Variants in OR9G4 observed in about 807,000 individuals in gnomAD.
The protein encoded by OR9G4 is olfactory receptor family 9 subfamily G member 4, also known as olfactory receptor 9G4.
Under a neutral mutation model 16.7 loss-of-function variants are expected in OR9G4, and 19 were observed. That is an observed-to-expected ratio of 1.14 (90% confidence interval 0.79 to 1.67). OR9G4 has a LOEUF of 1.67. OR9G4 is among the 40% of genes most tolerant of loss of function. The pLI is 0.00. For missense variants in OR9G4, 428 were observed against 370.4 expected, an observed-to-expected ratio of 1.16 and a Z score of -1.28; for synonymous variants, 182 against 146.2, an observed-to-expected ratio of 1.24 and a Z score of -1.76.
In OR9G4 at chr11:56,743,617, T is replaced by C; in HGVS notation, c.150A>G (p.Arg50=). 6.2e-7 allele frequency: 1 copy of C among 1,613,980 alleles called. No homozygotes were observed. Among genetic ancestry groups the C allele is most frequent in the Non-Finnish European group, 8.5e-7 (1 of 1,179,934 alleles). ...SGNMTLVILI[R]TDSHLHTPMY... is the part of the protein sequence containing the mutation. Reference sequence around the variant, plus strand: ...TAGGTGTATGCAAGTGGGAATCAGTTCGGATTAAGATAACCAAGGTCATGT... The same window carrying C: ...TAGGTGTATGCAAGTGGGAATCAGTCCGGATTAAGATAACCAAGGTCATGT... Residue 50 remains arginine, a synonymous_variant, in exon 2 of 2, where the codon CGA becomes CGG. Transcript: ENST00000641668.
chr11:56,743,652 A>C lies in OR9G4; in HGVS notation c.115T>G (p.Leu39Val). The C allele has an allele frequency of 6.2e-7, 1 of 1,614,128 alleles. No individual in the cohort carries two copies. Among genetic ancestry groups the C allele is most frequent in the South Asian group, 1.1e-5 (1 of 91,086 alleles). Reference protein sequence around the residue: ...GVFLMLYLITLSGNMTLVILI... With the variant: ...GVFLMLYLITVSGNMTLVILI... ...ATAACCAAGGTCATGTTTCCTGACA[A>C]GGTTATCAAATAGAGCATCAGAAAC... The change falls in exon 2 of 2, where the codon TTG becomes GTG. Residue 39 changes from leucine to valine, a missense_variant. Leu to Val is a conservative substitution (Grantham distance 32, BLOSUM62 1). Transcript: ENST00000641668.
rs1204316061 is a variant in OR9G4 at position 56,741,567 on chromosome 11, AT to A, written c.*1260del. Reference sequence around the variant, plus strand: ...ATAGAGGAATAAGAATGTTAAGATTATTTTGATGGAAAGAGGTAGGATGTGT... The same window carrying A: ...ATAGAGGAATAAGAATGTTAAGATTATTTGATGGAAAGAGGTAGGATGTGT... On this transcript the variant is annotated 3_prime_UTR_variant, in exon 2 of 2. Transcript: ENST00000641668. 1 of 152,284 alleles carries A rather than the reference AT, an allele frequency of 6.6e-6. No homozygotes were observed. The highest frequency in any genetic ancestry group is 1.5e-5 in the Non-Finnish European group (1 of 68,090). 9.4% of individuals were successfully genotyped at this position (152,284 alleles called of 1,614,324 possible).
In OR9G4 at chr11:56,743,429, T is replaced by C. The variant is rs539010081; in HGVS notation, c.338A>G (p.Tyr113Cys). 4.9e-5 allele frequency: 79 copies of C among 1,614,022 alleles called. 1 individual carries two copies. The South Asian group carries it at 7.6e-4, about 15-fold the overall frequency. The stretch of plus-strand genomic sequence containing the variant: ...GTCATATGCCATGGCTGCCAGGAGA[T>C]AGCATTCAGTGTAGGCTACAACACA... The part of the protein sequence containing the change: ...FSCVVAYTEC[Y>C]LLAAMAYDRH... Residue 113 changes from tyrosine (Y) to cysteine (C), a missense_variant, in exon 2 of 2, where the codon TAT becomes TGT. Coordinates refer to ENST00000641668, the MANE Select transcript of OR9G4 (RefSeq NM_001005284.2).
chr11:56,743,551 C>T lies in OR9G4; in HGVS notation c.216G>A (p.Trp72Ter). 1 of 1,613,982 alleles carries T rather than the reference C, an allele frequency of 6.2e-7. No individual in the cohort carries two copies. Among genetic ancestry groups the T allele is most frequent in the Non-Finnish European group, 8.5e-7 (1 of 1,180,004 alleles). The change falls in exon 2 of 2, where the codon TGG becomes TGA. Residue 72 changes from tryptophan (W) to a stop codon, truncating the protein, a stop_gained. Coordinates refer to ENST00000641668, the MANE Select transcript of OR9G4 (RefSeq NM_001005284.2). LOFTEE classifies it high-confidence loss of function. The stretch of plus-strand genomic sequence containing the variant: ...TTTTGGGGGTATACACAGAGGTATA[C>T]CAGAAATCCAAAAAAGACAGATTGC... ...FIGNLSFLDF[W>*]YTSVYTPKIL... is the part of the protein sequence containing the mutation.
In OR9G4 at chr11:56,743,643, T is replaced by C. The variant is rs1182537757; in HGVS notation, c.124A>G (p.Asn42Asp). 8 of 1,614,070 alleles carry C rather than the reference T, an allele frequency of 5.0e-6. No homozygotes were observed. Among genetic ancestry groups the C allele is most frequent in the Non-Finnish European group, 6.8e-6 (8 of 1,179,924 alleles). ...CGGATTAAGATAACCAAGGTCATGTTTCCTGACAAGGTTATCAAATAGAGC... is the reference window on the plus strand; with the variant it reads ...CGGATTAAGATAACCAAGGTCATGTCTCCTGACAAGGTTATCAAATAGAGC... ...LMLYLITLSG[N>D]MTLVILIRTD... Residue 42 changes from asparagine to aspartate, a missense_variant, in exon 2 of 2, where the codon AAC (asparagine) becomes GAC (aspartate). Transcript: ENST00000641668.
At chr11:56,747,183 TTTA>T (rs71058030) in intron 1 of OR9G4, among the ~76,000 whole-genome samples, 61,195 of 142,552 alleles carry the variant, frequency 0.43, 12,989 homozygotes, top group East Asian at 0.59. Flanking sequence ...GCATCAAAGA[TTTA>T]TTATTATTAT....
In OR9G4 at chr11:56,741,522, C is replaced by G. The variant is rs1233147332; in HGVS notation, c.*1306G>C. Reference sequence around the variant, plus strand: ...CACCCCAAATCCTTCTAGTCAAGTACTCAAACAGCTTCCTTTGTGATAGAG... The same window carrying G: ...CACCCCAAATCCTTCTAGTCAAGTAGTCAAACAGCTTCCTTTGTGATAGAG... On this transcript the variant is annotated 3_prime_UTR_variant, in exon 2 of 2. Transcript: ENST00000641668. 1 of 152,376 alleles carries G rather than the reference C, an allele frequency of 6.6e-6. No homozygotes were observed. Among genetic ancestry groups the G allele is most frequent in the Non-Finnish European group, 1.5e-5 (1 of 68,306 alleles). The allele number at this position is 152,376 out of a possible 1,614,324, so 9.4% of individuals were successfully genotyped here. A position where few individuals can be genotyped will look rare whatever the true frequency, so the allele number is the denominator to read the frequency against.
chr11:56,746,454 C>T (rs1378537003), intron 1 of OR9G4, among the ~76,000 whole-genome samples: 2 of 152,074 alleles, frequency 1.3e-5, no homozygotes, highest in Non-Finnish European at 2.9e-5. Context: ...TGATAATTCT[C>T]AAATATGAAT....
At position 56,743,653 on chromosome 11, in the gene OR9G4, G is replaced by A. The variant is rs1246672034; in HGVS notation, c.114C>T (p.Thr38=). Residue 38 remains threonine (T), a synonymous_variant, in exon 2 of 2, where the codon ACC becomes ACT. Transcript: ENST00000641668. Reference sequence around the variant, plus strand: ...TAACCAAGGTCATGTTTCCTGACAAGGTTATCAAATAGAGCATCAGAAACA... The same window carrying A: ...TAACCAAGGTCATGTTTCCTGACAAAGTTATCAAATAGAGCATCAGAAACA... ...FGVFLMLYLI[T]LSGNMTLVIL... The A allele has an allele frequency of 1.2e-6, 2 of 1,614,090 alleles. No homozygotes were observed. Among genetic ancestry groups the A allele is most frequent in the East Asian group, 2.2e-5 (1 of 44,872 alleles).
At position 56,743,260 on chromosome 11, in the gene OR9G4, A is replaced by G. The variant is rs754217646; in HGVS notation, c.507T>C (p.Cys169=). Residue 169 remains cysteine (C), a synonymous_variant, in exon 2 of 2, where the codon TGT becomes TGC. Coordinates refer to ENST00000641668, the MANE Select transcript of OR9G4 (RefSeq NM_001005284.2). The stretch of plus-strand genomic sequence containing the variant: ...AAAAGTGGTCAATGATATTTTTACC[A>G]CAAAAATGCAGGCGGAATGTATTGG... ...HTANTFRLHF[C]GKNIIDHFFC... is the part of the protein sequence containing the mutation. The G allele has an allele frequency of 8.1e-6, 13 of 1,614,044 alleles. No individual in the cohort carries two copies. In the East Asian group the frequency reaches 2.7e-4, roughly 33 times the overall value.
rs573074299 is a variant in OR9G4, at chr11:56,748,686, C to T, written c.-53G>A. 1 of 152,366 alleles carries T rather than the reference C, an allele frequency of 6.6e-6. No individual in the cohort carries two copies. Among genetic ancestry groups the T allele is most frequent in the South Asian group, 2.1e-4 (1 of 4,824 alleles). The allele number at this position is 152,366 out of a possible 1,614,324, so 9.4% of individuals were successfully genotyped here. ...GTTTGGAAGGCCAGCTCTTGGAAGT[C>T]ACACTTTTCCCTCTCTTCTGGTGTT... On this transcript the variant is annotated 5_prime_UTR_variant, in exon 1 of 2. Coordinates refer to ENST00000641668, the MANE Select transcript of OR9G4 (RefSeq NM_001005284.2).
chr11:56,743,037 G>T lies in OR9G4; in HGVS notation c.730C>A (p.His244Asn). 1.2e-6 allele frequency: 2 copies of T among 1,614,006 alleles called. No individual in the cohort carries two copies. The highest frequency in any genetic ancestry group is 2.2e-5 in the South Asian group (2 of 91,080). ...TAGAAGAGCATGACTGAGATGAGGT[G>T]GGAAGCACAGGTGGAGAATGCCTTG... ...RHKAFSTCAS[H>N]LISVMLFYGS... Residue 244 changes from histidine (H) to asparagine (N), a missense_variant, in exon 2 of 2, where the codon CAC becomes AAC. His to Asn is a moderately conservative substitution (Grantham distance 68). Coordinates refer to ENST00000641668, the MANE Select transcript of OR9G4 (RefSeq NM_001005284.2).
intron 1 of OR9G4, among the ~76,000 whole-genome samples, chr11:56,747,418 C>A (rs966596884): frequency 6.6e-6 from 1 of 152,050 alleles, no homozygotes; most frequent in Non-Finnish European, 1.5e-5. Context: ...ACCCTTATTA[C>A]TCTACTCCAA....
chr11:56,742,922 T>G lies in OR9G4; in HGVS notation c.845A>C (p.Asn282Thr). The G allele has an allele frequency of 6.2e-7, 1 of 1,614,166 alleles. No individual in the cohort carries two copies. Among genetic ancestry groups the G allele is most frequent in the South Asian group, 1.1e-5 (1 of 91,088 alleles). Residue 282 changes from asparagine (N) to threonine (T), a missense_variant, in exon 2 of 2, where the codon AAC (asparagine) becomes ACC (threonine). By Grantham distance (65) the Asn-to-Thr change is moderately conservative. Transcript: ENST00000641668. ...KVAALFYTVI[N>T]PLLNPLIYSL... ...ATAGATGAGAGGGTTGAGCAGTGGGTTGATCACGGTGTAGAACAGAGCAGC... is the reference window on the plus strand; with the variant it reads ...ATAGATGAGAGGGTTGAGCAGTGGGGTGATCACGGTGTAGAACAGAGCAGC...
At chr11:56,745,034 T>G (rs547120634) in intron 1 of OR9G4, among the ~76,000 whole-genome samples, 44 of 152,274 alleles carry the variant, frequency 2.9e-4, no homozygotes, top group African/African-American at 9.9e-4. Flanking sequence ...CTACGTGTAT[T>G]TACCTCCAAA....
chr11:56,746,522 A>G (rs1171195496), intron 1 of OR9G4, among the ~76,000 whole-genome samples: 1 of 152,154 alleles, frequency 6.6e-6, no homozygotes, highest in Non-Finnish European at 1.5e-5. Flanking sequence ...CCAAAAATCT[A>G]TTAGTTTGCC....
intron 1 of OR9G4, 71 bp downstream of exon 1, chr11:56,748,585 C>T (rs1388387775): frequency 6.6e-6 from 1 of 152,200 alleles, no homozygotes; most frequent in African/African-American, 2.4e-5. Flanking sequence ...ATTCTGTATC[C>T]CCCTTCTGAT....
At position 56,745,776 on chromosome 11, in the gene OR9G4, C is replaced by CAA. The variant is rs199528748; in HGVS notation, c.-22-1990_-22-1989dup. Among the ~76,000 whole-genome samples, 164 of 136,414 alleles carry CAA rather than the reference C, an allele frequency of 1.2e-3. 1 individual carries two copies. The highest frequency in any genetic ancestry group is 7.3e-3 in the South Asian group (32 of 4,382). The allele number at this position is 136,414 out of a possible 152,430, so 89.5% of individuals were successfully genotyped here. A position where few individuals can be genotyped will look rare whatever the true frequency, so the allele number is the denominator to read the frequency against. Reference sequence around the variant, plus strand: ...GACAGAGAGATACGCTGTCTCAAAACAAAAAAAAAAAAAGAAGGAAAAACT... The same window carrying CAA: ...GACAGAGAGATACGCTGTCTCAAAACAAAAAAAAAAAAAAAGAAGGAAAAACT... On this transcript the variant is annotated intron_variant, in intron 1 of 1. Transcript: ENST00000641668.
Position 56,743,182 on chromosome 11 carries a change from G to T in OR9G4, c.585C>A (p.Tyr195Ter). The change falls in exon 2 of 2, where the codon TAC becomes TAA. Residue 195 changes from tyrosine (Y) to a stop codon, truncating the protein, a stop_gained. Transcript: ENST00000641668. LOFTEE classifies it high-confidence loss of function. Reference sequence around the variant, plus strand: ...CCACCACACCAAGCAGGACTTTTTCGTAGACCCTGGTGTTTGTACAGGACA... The same window carrying T: ...CCACCACACCAAGCAGGACTTTTTCTTAGACCCTGGTGTTTGTACAGGACA... ...VKMSCTNTRVYEKVLLGVVGF... is the reference protein window; with the variant it reads ...VKMSCTNTRV The T allele has an allele frequency of 6.2e-7, 1 of 1,614,090 alleles. No homozygotes were observed.
Sources: allele counts gnomAD v4.1 joint callset (sites outside exome capture counted in the v4.1 genomes callset), GRCh38; gene constraint gnomAD v4.1.1; transcripts MANE v1.5; gene names NCBI Gene and HGNC (gene_info 2026-07-23, HGNC 2026-07-21).